Variants in CACNA2D2 observed in about 807,000 individuals in gnomAD.
The protein encoded by CACNA2D2 is calcium voltage-gated channel auxiliary subunit alpha2delta 2.
Under a neutral mutation model 166.4 loss-of-function variants are expected in CACNA2D2, and 48 were observed. The observed-to-expected ratio is 0.29, with a 90% CI of 0.23 to 0.37. The LOEUF is 0.37. CACNA2D2 is among the 10% of genes least tolerant of loss of function. The pLI, the probability that CACNA2D2 is intolerant of heterozygous loss-of-function variation, is 1.00. For missense variants in CACNA2D2, 1,122 were observed against 1,433.0 expected, an observed-to-expected ratio of 0.78 and a Z score of 3.50; for synonymous variants, 561 against 573.7, an observed-to-expected ratio of 0.98 and a Z score of 0.32.
At position 50,424,823 on chromosome 3, in the gene CACNA2D2, C is replaced by T. The variant is rs76365115; in HGVS notation, c.405+9490G>A. ...CAGGAAAACCTCAGGTGCCCCTGCC[C>T]GGGTCACCATGGCACCTGGAGCCAG... On this transcript the variant is annotated intron_variant, in intron 3 of 37. Coordinates refer to ENST00000424201, the MANE Select transcript of CACNA2D2 (RefSeq NM_006030.4). 4.3e-3 allele frequency among the ~76,000 whole-genome samples: 661 copies of T among 152,222 alleles called. 5 individuals are homozygous for T. Among genetic ancestry groups the T allele is most frequent in the African/African-American group, 0.015 (620 of 41,518 alleles).
intron 3 of CACNA2D2, among the ~76,000 whole-genome samples, chr3:50,425,178 C>T (rs1170190474): frequency 6.6e-6 from 1 of 152,174 alleles, no homozygotes; most frequent in Non-Finnish European, 1.5e-5. Context: ...CACACACCCT[C>T]TCCCCTGCAG....
Position 50,503,159 on chromosome 3 carries a change from G to A in CACNA2D2, c.206+59C>T, listed in dbSNP as rs1235985434. ...GCGCAGGGAAGGAGTAGCGCGGACC[G>A]GGGGCAGAGCGGGGCGCAAGGCTCG... On this transcript the variant is annotated intron_variant, in intron 1 of 37. Transcript: ENST00000424201. 8.8e-6 allele frequency: 9 copies of A among 1,027,180 alleles called. No individual in the cohort carries two copies. The South Asian group carries it at 1.4e-4, about 16-fold the overall frequency. The allele number at this position is 1,027,180 out of a possible 1,614,324, so 63.6% of individuals were successfully genotyped here. A position where few individuals can be genotyped will look rare whatever the true frequency, so the allele number is the denominator to read the frequency against.
In CACNA2D2 at chr3:50,366,071, C is replaced by T. The variant is rs913350862; in HGVS notation, c.2802G>A (p.Gln934=). The part of the protein sequence containing the change: ...FYTRKESYDY[Q]AACAPQPPGN... ...CAGGGGGCTGAGGGGCACAGGCTGC[C>T]TGATAGTCATAGGACTCCTTGCGGG... Residue 934 remains glutamine (Q), a synonymous_variant, in exon 32 of 38, where the codon CAG becomes CAA. Transcript: ENST00000424201. The surrounding 1 kb of genome is among the most constrained non-coding windows in gnomAD (Gnocchi z 5.9). 11 of 1,613,702 alleles carry T rather than the reference C, an allele frequency of 6.8e-6. No homozygotes were observed. The Admixed American group carries it at 1.2e-4, about 17-fold the overall frequency.
At chr3:50,486,863 T>C (rs1698304846) in intron 1 of CACNA2D2, among the ~76,000 whole-genome samples, 4 of 152,206 alleles carry the variant, frequency 2.6e-5, no homozygotes, top group African/African-American at 9.6e-5. Context: ...CCTACCAGAC[T>C]GGCCTGCCCT....
In CACNA2D2 at chr3:50,380,130, G is replaced by C; in HGVS notation, c.843-112C>G. ...TTTCTCTTGAGCATGCACTGTGTGG[G>C]CCAGGCAGGGTTCTATGCACCGATG... On this transcript the variant is annotated intron_variant, in intron 8 of 37. Transcript: ENST00000424201. The surrounding 1 kb of genome is among the most constrained non-coding windows in gnomAD (Gnocchi z 4.9). 9.4e-7 allele frequency: 1 copy of C among 1,062,418 alleles called. No homozygotes were observed. Among genetic ancestry groups the C allele is most frequent in the Admixed American group, 1.9e-5 (1 of 51,814 alleles). 65.8% of individuals were successfully genotyped at this position (1,062,418 alleles called of 1,614,324 possible).
chr3:50,391,787 C>T (rs891326367), intron 4 of CACNA2D2, among the ~76,000 whole-genome samples: 1 of 152,188 alleles, frequency 6.6e-6, no homozygotes, highest in African/African-American at 2.4e-5. Context: ...GGGCCACACC[C>T]GGCTGATGGT....
Position 50,364,630 on chromosome 3 carries a change from G to A in CACNA2D2, c.*36C>T. 2.0e-6 allele frequency: 3 copies of A among 1,479,886 alleles called. No individual in the cohort carries two copies. The highest frequency in any genetic ancestry group is 2.7e-6 in the Non-Finnish European group (3 of 1,115,322). 91.7% of individuals were successfully genotyped at this position (1,479,886 alleles called of 1,614,324 possible). On this transcript the variant is annotated 3_prime_UTR_variant, in exon 38 of 38. Coordinates refer to ENST00000424201, the MANE Select transcript of CACNA2D2 (RefSeq NM_006030.4). Reference sequence around the variant, plus strand: ...AGGGTGGGAAAGGCGAAGAGGCCGGGTGAGGTGGGAGTGGAGGTGGGGTGG... The same window carrying A: ...AGGGTGGGAAAGGCGAAGAGGCCGGATGAGGTGGGAGTGGAGGTGGGGTGG...
At chr3:50,501,569 T>C (rs139893573) in intron 1 of CACNA2D2, among the ~76,000 whole-genome samples, 99 of 152,282 alleles carry the variant, frequency 6.5e-4, no homozygotes, top group Non-Finnish European at 1.0e-3. Context: ...CACATCGGCC[T>C]TCTAGAGGAG....
chr3:50,441,238 T>C (rs761809398), intron 2 of CACNA2D2, among the ~76,000 whole-genome samples: 24 of 152,098 alleles, frequency 1.6e-4, no homozygotes, highest in Non-Finnish European at 2.8e-4. Context: ...CCAGCAAGAT[T>C]ACCTTCACAA....
chr3:50,394,386 G>A (rs1335803403), intron 3 of CACNA2D2, among the ~76,000 whole-genome samples: 4 of 152,156 alleles, frequency 2.6e-5, no homozygotes. Context: ...TGCAGGAAAG[G>A]TGAAGCCTGT....
intron 1 of CACNA2D2, among the ~76,000 whole-genome samples, chr3:50,492,037 C>G (rs1575777775): frequency 6.6e-6 from 1 of 152,178 alleles, no homozygotes; most frequent in African/African-American, 2.4e-5. Flanking sequence ...CCAATGACAC[C>G]CAGTCCTCTG....
At position 50,375,725 on chromosome 3, in the gene CACNA2D2, C is replaced by G. The variant is rs1225978365; in HGVS notation, c.1846-20G>C. ...GTACCTCTGGGAGAGGAGGCTGGGTCAGGTACTTGGGCTAGCAGGCAGGGG... is the reference window on the plus strand; with the variant it reads ...GTACCTCTGGGAGAGGAGGCTGGGTGAGGTACTTGGGCTAGCAGGCAGGGG... On this transcript the variant is annotated intron_variant, in intron 20 of 37. Coordinates refer to ENST00000424201, the MANE Select transcript of CACNA2D2 (RefSeq NM_006030.4). The surrounding 1 kb of genome is among the most constrained non-coding windows in gnomAD (Gnocchi z 4.0). 3 of 1,613,174 alleles carry G rather than the reference C, an allele frequency of 1.9e-6. No homozygotes were observed. The highest frequency in any genetic ancestry group is 2.5e-6 in the Non-Finnish European group (3 of 1,179,958).
chr3:50,481,893 G>C (rs1205742318), intron 1 of CACNA2D2, among the ~76,000 whole-genome samples: 1 of 152,204 alleles, frequency 6.6e-6, no homozygotes, highest in South Asian at 2.1e-4. Flanking sequence ...CTACCCGGGA[G>C]GCTGAGGTTG....
intron 4 of CACNA2D2, 88 bp from the exon 5 acceptor site, chr3:50,387,700 T>TA: frequency 9.9e-7 from 1 of 1,005,968 alleles, no homozygotes; most frequent in Non-Finnish European, 1.5e-6. Context: ...ATGGCACCCT[T>TA]AGATTCCTCT....
chr3:50,489,183 A>T (rs1698415848), intron 1 of CACNA2D2, among the ~76,000 whole-genome samples: 1 of 152,228 alleles, frequency 6.6e-6, no homozygotes, highest in South Asian at 2.1e-4. Flanking sequence ...AAACAAGGTC[A>T]CATATGGGGT....
chr3:50,365,395 G>A lies in CACNA2D2; in HGVS notation c.3059C>T (p.Ala1020Val). 1 of 1,613,630 alleles carries A rather than the reference G, an allele frequency of 6.2e-7. No individual in the cohort carries two copies. Among genetic ancestry groups the A allele is most frequent in the Non-Finnish European group, 8.5e-7 (1 of 1,179,858 alleles). ...GCAGTCGATGATGGCGTTGTAGGAG[G>A]CGTTTACCGAGCCGAAGTAGTACTG... ...QTQYYFGSVN[A>V]SYNAIIDCGN... Residue 1020 changes from alanine to valine, a missense_variant, in exon 35 of 38, where the codon GCC (alanine) becomes GTC (valine). Ala to Val is a moderately conservative substitution (Grantham distance 64, BLOSUM62 0). This residue lies in a region of CACNA2D2 where 282 missense variants were observed against 266.2 expected (regional missense o/e 1.06). Transcript: ENST00000424201. The surrounding 1 kb of genome is among the most constrained non-coding windows in gnomAD (Gnocchi z 4.5).
At chr3:50,477,730 T>C (rs1303623825) in intron 1 of CACNA2D2, among the ~76,000 whole-genome samples, 4 of 152,184 alleles carry the variant, frequency 2.6e-5, no homozygotes, top group Non-Finnish European at 4.4e-5. Context: ...CAGGGTACAG[T>C]AGGGGCAGGG....
At chr3:50,415,457 C>CCT (rs1707226124) in intron 3 of CACNA2D2, among the ~76,000 whole-genome samples, 1 of 152,200 alleles carries the variant, frequency 6.6e-6, no homozygotes, top group Admixed American at 6.5e-5. Flanking sequence ...GGACTGCTAA[C>CCT]GGTCCTGTCA....
At chr3:50,488,199 C>T (rs1167670618) in intron 1 of CACNA2D2, among the ~76,000 whole-genome samples, 2 of 152,194 alleles carry the variant, frequency 1.3e-5, no homozygotes, top group African/African-American at 4.8e-5. Flanking sequence ...TGAGCACCCA[C>T]AGACCGACCG....
Sources: allele counts gnomAD v4.1 joint callset (sites outside exome capture counted in the v4.1 genomes callset), GRCh38; gene constraint gnomAD v4.1.1; regional missense constraint gnomAD v4.1.1; non-coding constraint Gnocchi (gnomAD v3.1); transcripts MANE v1.5; gene names NCBI Gene and HGNC (gene_info 2026-07-23, HGNC 2026-07-21).